VSTM2A: variants seen among roughly 807,000 people sequenced by gnomAD.
The protein encoded by VSTM2A is V-set and transmembrane domain-containing protein 2A.
VSTM2A carries 13 observed loss-of-function variants against 27.3 expected under a neutral mutation model. The ratio of observed to expected loss-of-function variants is 0.48; its 90% confidence interval spans 0.31 to 0.76. VSTM2A has a LOEUF of 0.76. Among genes scored for constraint, VSTM2A ranks in the 30% least tolerant of loss-of-function variants. The probability of loss-of-function intolerance (pLI) is 0.05; values close to 1 mark genes in which losing one functional copy is unlikely to be tolerated. For synonymous variants in VSTM2A, 142 were observed against 125.7 expected, an observed-to-expected ratio of 1.13 and a Z score of -0.87; for missense variants, 280 against 310.0, an observed-to-expected ratio of 0.90 and a Z score of 0.73.
chr7:54,556,896 G>A (rs1788378555), intron 4 of VSTM2A: 1 of 152,178 alleles, frequency 6.6e-6, no homozygotes, highest in Non-Finnish European at 1.5e-5. Flanking sequence ...TAGTTCCTCT[G>A]TAATTAAGAA....
At chr7:54,546,527 C>T (rs1787977524) in intron 2 of VSTM2A, 1 of 171,748 alleles carries the variant, frequency 5.8e-6, no homozygotes, top group South Asian at 2.0e-4. Context: ...CGCCCCACCC[C>T]TGGCGCCCGC....
rs1680176229 is a variant in VSTM2A at position 54,553,605 on chromosome 7, G to GAGGAGTC, written c.634+3439_634+3445dup. On this transcript the variant is annotated intron_variant, in intron 4 of 4. Coordinates refer to ENST00000402613, the MANE Select transcript of VSTM2A (RefSeq NM_001301009.2). ...GAAGGTGAATTCCTGCTTCTTGCTG[G>GAGGAGTC]AGGAGTCAGGGAGGGCAACCTGGAA... Among the ~76,000 whole-genome samples, 4 of 152,168 alleles carry GAGGAGTC rather than the reference G, an allele frequency of 2.6e-5. 1 individual carries two copies. The South Asian group carries it at 8.3e-4, about 32-fold the overall frequency.
chr7:54,549,405 T>C (rs2115807820), intron 3 of VSTM2A, among the ~76,000 whole-genome samples: 1 of 152,338 alleles, frequency 6.6e-6, no homozygotes, highest in South Asian at 2.1e-4. Context: ...CAAAATATTT[T>C]TGTGATGTCT....
intron 4 of VSTM2A, 61 bp from the exon 5 acceptor site, chr7:54,569,070 G>T: frequency 6.2e-7 from 1 of 1,606,348 alleles, no homozygotes; most frequent in African/African-American, 1.3e-5. Flanking sequence ...GCTTTGTGAA[G>T]GGTGCTTTGC....
rs1215284480 is a variant in VSTM2A at position 54,546,690 on chromosome 7, G to GGGACAGCCCCGGGACAGCC, written c.247-257_247-256insGGACAGCCCCGGGACAGCC. The GGGACAGCCCCGGGACAGCC allele has an allele frequency of 1.4e-4, 52 of 377,792 alleles. 1 individual carries two copies. Among genetic ancestry groups the GGGACAGCCCCGGGACAGCC allele is most frequent in the East Asian group, 9.9e-4 (25 of 25,200 alleles). The allele number at this position is 377,792 out of a possible 1,614,324, so 23.4% of individuals were successfully genotyped here. On this transcript the variant is annotated intron_variant, in intron 2 of 4. Coordinates refer to ENST00000402613, the MANE Select transcript of VSTM2A (RefSeq NM_001301009.2). The stretch of plus-strand genomic sequence containing the variant: ...GCGGCAGGGACAGCGCCGGGACAGC[G>GGGACAGCCCCGGGACAGCC]CCGGGACAGCCCCGGGACAGCCCCG...
intron 3 of VSTM2A, 23 bp from the exon 4 acceptor site, chr7:54,549,811 T>C (rs1455815960): frequency 6.4e-7 from 1 of 1,552,294 alleles, no homozygotes; most frequent in Non-Finnish European, 8.7e-7. Context: ...ACTTTATTGT[T>C]TTTTTTACCT....
At chr7:54,563,162 G>T (rs1328996344) in intron 4 of VSTM2A, among the ~76,000 whole-genome samples, 2 of 152,110 alleles carry the variant, frequency 1.3e-5, no homozygotes, top group Non-Finnish European at 2.9e-5. Flanking sequence ...TTAATAAGCA[G>T]AATTAGGAAA....
intron 1 of VSTM2A, among the ~76,000 whole-genome samples, 155 bp downstream of exon 1, chr7:54,542,964 A>G (rs2115740444): frequency 6.6e-6 from 1 of 152,192 alleles, no homozygotes; most frequent in East Asian, 1.9e-4. Flanking sequence ...TTTTTTTTAA[A>G]GTTTATTAAA....
Position 54,544,860 on chromosome 7 carries a change from G to A in VSTM2A, c.246+72G>A, listed in dbSNP as rs1787895123. 2.0e-6 allele frequency: 3 copies of A among 1,480,544 alleles called. No individual in the cohort carries two copies. The Admixed American group carries it at 7.3e-5, about 36-fold the overall frequency. The allele number at this position is 1,480,544 out of a possible 1,614,324, so 91.7% of individuals were successfully genotyped here. A position where few individuals can be genotyped will look rare whatever the true frequency, so the allele number is the denominator to read the frequency against. ...CTCAGGGTGTCCGGCCCGGGGCTGG[G>A]GGCCGAGGTGCTGCCTGGACACCCC... On this transcript the variant is annotated intron_variant, in intron 2 of 4. Coordinates refer to ENST00000402613, the MANE Select transcript of VSTM2A (RefSeq NM_001301009.2).
chr7:54,565,977 A>C (rs2115937517), intron 4 of VSTM2A, among the ~76,000 whole-genome samples: 1 of 152,306 alleles, frequency 6.6e-6, no homozygotes, highest in Admixed American at 6.5e-5. Flanking sequence ...ATGGAAGCCA[A>C]GTTTCTGCCC....
In VSTM2A at chr7:54,544,648, G is replaced by C. The variant is rs1394255428; in HGVS notation, c.106G>C (p.Val36Leu). The change falls in exon 2 of 5, where the codon GTG (valine) becomes CTG (leucine). Residue 36 changes from valine to leucine, a missense_variant. Physicochemically the swap from Val to Leu is conservative, Grantham distance 32. Transcript: ENST00000402613. ...AAAATTTACCGAGTTTCCGCGGAACGTGACGGCGACCGAGGGGCAGAATGT... is the reference window on the plus strand; with the variant it reads ...AAAATTTACCGAGTTTCCGCGGAACCTGACGGCGACCGAGGGGCAGAATGT... ...QAKFTEFPRN[V>L]TATEGQNVEM... 6.2e-7 allele frequency: 1 copy of C among 1,612,888 alleles called. No homozygotes were observed. Among genetic ancestry groups the C allele is most frequent in the Non-Finnish European group, 8.5e-7 (1 of 1,179,884 alleles).
chr7:54,554,200 A>G, intron 4 of VSTM2A: 1 of 1,419,320 alleles, frequency 7.0e-7, no homozygotes, highest in South Asian at 1.4e-5. Flanking sequence ...TCCCTCGATC[A>G]CTCCTTCCTG....
chr7:54,570,431 T>A lies in VSTM2A; in HGVS notation c.*1212T>A, dbSNP rs1584074165. 2 of 152,028 alleles carry A rather than the reference T, an allele frequency of 1.3e-5. No homozygotes were observed. The highest frequency in any genetic ancestry group is 3.9e-4 in the East Asian group (2 of 5,182). The allele number at this position is 152,028 out of a possible 1,614,324, so 9.4% of individuals were successfully genotyped here. ...TTGACCTTTATGAATTTCTGTACCT[T>A]TGTCATTCTGTTACCTTTGTCATTC... On this transcript the variant is annotated 3_prime_UTR_variant, in exon 5 of 5. Coordinates refer to ENST00000402613, the MANE Select transcript of VSTM2A (RefSeq NM_001301009.2).
At chr7:54,554,648 C>T (rs566943888) in intron 4 of VSTM2A, among the ~76,000 whole-genome samples, 1 of 152,340 alleles carries the variant, frequency 6.6e-6, no homozygotes, top group South Asian at 2.1e-4. Context: ...TTTACAGGGG[C>T]TGGCAGCACC....
chr7:54,554,057 C>T (rs577762846), intron 4 of VSTM2A: 29 of 1,552,364 alleles, frequency 1.9e-5, no homozygotes, highest in South Asian at 1.3e-4. Flanking sequence ...TGCAGAGCTG[C>T]GTGCTGGCTC....
At chr7:54,566,867 G>A (rs575926236) in intron 4 of VSTM2A, among the ~76,000 whole-genome samples, 57 of 152,324 alleles carry the variant, frequency 3.7e-4, no homozygotes, top group Non-Finnish European at 6.3e-4. Context: ...AATGAGCACA[G>A]AGTGGCTGAG....
intron 1 of VSTM2A, among the ~76,000 whole-genome samples, chr7:54,543,528 T>C (rs1426999619): frequency 6.6e-6 from 1 of 152,016 alleles, no homozygotes; most frequent in Non-Finnish European, 1.5e-5. Context: ...CAAATATAGT[T>C]TCATTTCACT....
intron 4 of VSTM2A, among the ~76,000 whole-genome samples, chr7:54,557,580 C>A (rs1045777805): frequency 6.6e-6 from 1 of 152,062 alleles, no homozygotes; most frequent in Non-Finnish European, 1.5e-5. Context: ...GTGATCCCCT[C>A]TCTTTGGCCT....
intron 4 of VSTM2A, among the ~76,000 whole-genome samples, chr7:54,552,978 C>A (rs1466590389): frequency 6.6e-6 from 1 of 152,094 alleles, no homozygotes; most frequent in Non-Finnish European, 1.5e-5. Context: ...CAAAGAATTT[C>A]TGTTTTTAAA....
Sources: gnomAD v4.1 joint callset for allele counts (sites outside exome capture counted in the v4.1 genomes callset) on GRCh38, gnomAD v4.1.1 for gene constraint, MANE v1.5 for transcripts, NCBI Gene and HGNC (gene_info 2026-07-23, HGNC 2026-07-21) for gene names.